Variants in NREP observed in about 807,000 individuals in gnomAD.
NREP encodes the protein neuronal regeneration related protein, also known as neuronal regeneration-related protein.
In NREP, 5 loss-of-function variants were observed where a neutral mutation model predicts 8.6. That is an observed-to-expected ratio of 0.58 (90% CI 0.30 to 1.22). The LOEUF (loss-of-function observed/expected upper bound fraction) is 1.22, where lower values mean the gene tolerates loss of function less well. Ranked by LOEUF, NREP falls within the 50% of genes most tolerant of loss-of-function variation. The pLI, the probability that NREP is intolerant of heterozygous loss-of-function variation, is 0.07. For missense variants in NREP, 86 were observed against 82.5 expected, an observed-to-expected ratio of 1.04 and a Z score of -0.17; for synonymous variants, 27 against 28.0, an observed-to-expected ratio of 0.96 and a Z score of 0.11.
chr5:111,738,285 T>C (rs1240924142), intron 2 of NREP: 2 of 152,204 alleles, frequency 1.3e-5, no homozygotes, highest in African/African-American at 2.4e-5. Flanking sequence ...TTAATTACCT[T>C]TGCTCTCAAA....
chr5:111,905,627 A>G (rs535845270), intron 2 of NREP, among the ~76,000 whole-genome samples: 1 of 152,254 alleles, frequency 6.6e-6, no homozygotes, highest in East Asian at 1.9e-4. Context: ...TTCACAAGAC[A>G]GCAAAGTTCA....
intron 2 of NREP, among the ~76,000 whole-genome samples, chr5:111,894,982 T>G (rs569553354): frequency 6.6e-6 from 1 of 152,334 alleles, no homozygotes; most frequent in South Asian, 2.1e-4. Flanking sequence ...TTTAGAGAGC[T>G]CTTAGAATAC....
chr5:111,927,430 G>C (rs1319086416), intron 2 of NREP, among the ~76,000 whole-genome samples: 1 of 152,062 alleles, frequency 6.6e-6, no homozygotes, highest in African/African-American at 2.4e-5. Context: ...ATAAATTCTT[G>C]CCCTCTGAGA....
chr5:111,839,311 A>G (rs544928958), intron 2 of NREP, among the ~76,000 whole-genome samples: 13 of 152,260 alleles, frequency 8.5e-5, no homozygotes, highest in Non-Finnish European at 1.3e-4. Context: ...CTTCCAGAGC[A>G]TGAAGGGCAA....
At chr5:111,830,298 T>C (rs1218208391) in intron 2 of NREP, among the ~76,000 whole-genome samples, 1 of 152,186 alleles carries the variant, frequency 6.6e-6, no homozygotes. Flanking sequence ...TAAAAGATCT[T>C]ACAATGACAC....
At chr5:111,952,511 C>T (rs1756188999) in intron 2 of NREP, among the ~76,000 whole-genome samples, 1 of 152,112 alleles carries the variant, frequency 6.6e-6, no homozygotes, top group Admixed American at 6.5e-5. Flanking sequence ...AAGAGCAGTC[C>T]TCTTCCTTGT....
chr5:111,828,314 A>G (rs1232046021), intron 2 of NREP, among the ~76,000 whole-genome samples: 1 of 152,092 alleles, frequency 6.6e-6, no homozygotes, highest in Non-Finnish European at 1.5e-5. Context: ...CAGGCGTGAG[A>G]CACCGCGCCC....
intron 2 of NREP, among the ~76,000 whole-genome samples, chr5:111,817,814 A>G (rs1301311447): frequency 6.6e-6 from 1 of 151,548 alleles, no homozygotes; most frequent in African/African-American, 2.4e-5. Context: ...CAAAAAAAAA[A>G]AAAAAAAAAA....
chr5:111,961,274 A>G (rs892223096), intron 2 of NREP, among the ~76,000 whole-genome samples: 1 of 152,206 alleles, frequency 6.6e-6, no homozygotes, highest in Non-Finnish European at 1.5e-5. Context: ...CAAGATGAGT[A>G]CACCTTACCC....
chr5:111,757,420 C>CT (rs910345502), upstream of NREP: 1 of 983,128 alleles, frequency 1.0e-6, no homozygotes, highest in Non-Finnish European at 1.2e-6. Context: ...CTCTCTTTCT[C>CT]TAAGAGTCTC....
chr5:111,973,513 T>C (rs1017249558), intron 2 of NREP, among the ~76,000 whole-genome samples: 2 of 152,234 alleles, frequency 1.3e-5, no homozygotes, highest in Non-Finnish European at 2.9e-5. Context: ...TCAAAAGTCT[T>C]GCATCCTGCG....
At chr5:111,814,100 C>A (rs191873678) in intron 2 of NREP, among the ~76,000 whole-genome samples, 26 of 152,004 alleles carry the variant, frequency 1.7e-4, no homozygotes, top group Admixed American at 3.9e-4. Flanking sequence ...TTCTTTGTTG[C>A]AGAAGTATTT....
intron 2 of NREP, among the ~76,000 whole-genome samples, chr5:111,934,547 A>G (rs1755629371): frequency 6.6e-6 from 1 of 152,108 alleles, no homozygotes; most frequent in South Asian, 2.1e-4. Flanking sequence ...ACATAGGACC[A>G]GAAAAGAAAA....
intron 2 of NREP, among the ~76,000 whole-genome samples, chr5:111,829,195 A>C (rs1461074536): frequency 6.6e-6 from 1 of 152,200 alleles, no homozygotes; most frequent in East Asian, 1.9e-4. Flanking sequence ...ACCGTGTTCA[A>C]CTTGTGAAGG....
chr5:111,796,717 A>C (rs929969071), intron 2 of NREP, among the ~76,000 whole-genome samples: 6 of 152,218 alleles, frequency 3.9e-5, no homozygotes, highest in Admixed American at 3.9e-4. Context: ...TGACTTAGTC[A>C]ATCAAACACT....
At chr5:111,852,112 A>C (rs1753324725) in intron 2 of NREP, among the ~76,000 whole-genome samples, 1 of 152,146 alleles carries the variant, frequency 6.6e-6, no homozygotes, top group Non-Finnish European at 1.5e-5. Flanking sequence ...GAACTAGCTT[A>C]GGTCCTTTTT....
At chr5:111,856,444 A>T (rs1753429566) in intron 2 of NREP, among the ~76,000 whole-genome samples, 1 of 152,096 alleles carries the variant, frequency 6.6e-6, no homozygotes, top group African/African-American at 2.4e-5. Context: ...CTAAGACATA[A>T]ATTTATTCTC....
chr5:111,926,741 C>A (rs1244404311), intron 2 of NREP, among the ~76,000 whole-genome samples: 3 of 152,018 alleles, frequency 2.0e-5, no homozygotes, highest in African/African-American at 7.2e-5. Flanking sequence ...CCTTAGTCTT[C>A]TCCCTCCTTT....
intron 2 of NREP, among the ~76,000 whole-genome samples, chr5:111,787,985 C>G (rs921572692): frequency 6.6e-6 from 1 of 152,072 alleles, no homozygotes; most frequent in African/African-American, 2.4e-5. Flanking sequence ...GTGGCCCCAG[C>G]TACTTTGGAA....
Sources: gnomAD v4.1 joint callset for allele counts (sites outside exome capture counted in the v4.1 genomes callset) on GRCh38, gnomAD v4.1.1 for gene constraint, MANE v1.5 for transcripts, NCBI Gene and HGNC (gene_info 2026-07-23, HGNC 2026-07-21) for gene names.